The following CSMD1 variants were observed in gnomAD, a reference collection of about 807,000 sequenced individuals.
CSMD1 encodes the protein CUB and sushi domain-containing protein 1.
Under a neutral mutation model 417.5 loss-of-function variants are expected in CSMD1, and 213 were observed. That is an observed-to-expected ratio of 0.51 (90% CI 0.46 to 0.57). The LOEUF (loss-of-function observed/expected upper bound fraction) is 0.57. Among genes scored for constraint, CSMD1 ranks in the 20% least tolerant of loss-of-function variants. The pLI, the probability that CSMD1 is intolerant of heterozygous loss-of-function variation, is 0.00. For synonymous variants in CSMD1, 2,862 were observed against 1,736.8 expected (o/e 1.65, Z -16.11); for missense variants, 6,923 against 4,529.7 (o/e 1.53, Z -15.17).
rs1247959971 is a variant in CSMD1, at chr8:3,308,186, A to G, written c.3823+126T>C. The stretch of plus-strand genomic sequence containing the variant: ...CAGACACGTGCAAATCTCAGAATAC[A>G]TAAAACTCACACTGGAAAGTGTGAT... On this transcript the variant is annotated intron_variant, in intron 24 of 69. Transcript: ENST00000635120. The G allele has an allele frequency of 6.7e-6, 5 of 741,050 alleles. No homozygotes were observed. The African/African-American group carries it at 9.3e-5, about 14-fold the overall frequency. The allele number at this position is 741,050 out of a possible 1,614,324, so 45.9% of individuals were successfully genotyped here.
intron 3 of CSMD1, among the ~76,000 whole-genome samples, chr8:4,172,553 T>A (rs934446121): frequency 6.6e-6 from 1 of 152,008 alleles, no homozygotes; most frequent in Non-Finnish European, 1.5e-5. Flanking sequence ...CAGTGGAAAG[T>A]GAGGCTCCAC....
chr8:3,868,399 C>T (rs1479937263), intron 5 of CSMD1, among the ~76,000 whole-genome samples: 2 of 152,110 alleles, frequency 1.3e-5, no homozygotes, highest in Non-Finnish European at 2.9e-5. Context: ...CCCTGCTGTG[C>T]AGATGGTCCA....
Position 2,965,915 on chromosome 8 carries a change from A to T in CSMD1, c.9140T>A (p.Ile3047Asn). ...CGDPGTLANG[I>N]QFGTDFTFNK... ...GAAGGTGAAGTCGGTCCCAAACTGG[A>T]TGCCATTTGCTAGTGTGCCTGGATC... The change falls in exon 59 of 70, where the codon ATC becomes AAC. Residue 3047 changes from isoleucine to asparagine, a missense_variant. By Grantham distance (149) the Ile-to-Asn change is moderately radical. Coordinates refer to ENST00000635120, the MANE Select transcript of CSMD1 (RefSeq NM_033225.6). 6.2e-7 allele frequency: 1 copy of T among 1,610,014 alleles called. No individual in the cohort carries two copies.
intron 3 of CSMD1, among the ~76,000 whole-genome samples, chr8:4,109,311 CTA>C (rs1801731209): frequency 1.3e-5 from 2 of 151,840 alleles, no homozygotes; most frequent in Admixed American, 1.3e-4. Context: ...TATTTTTTTT[CTA>C]TATTCCTCAA....
At chr8:4,168,831 C>G (rs371726381) in intron 3 of CSMD1, among the ~76,000 whole-genome samples, 35 of 152,252 alleles carry the variant, frequency 2.3e-4, no homozygotes, top group Non-Finnish European at 4.1e-4. Context: ...TTCCGGCTCT[C>G]TGTTGTCTTC....
intron 1 of CSMD1, among the ~76,000 whole-genome samples, chr8:4,816,768 G>A (rs570968960): frequency 3.8e-4 from 58 of 152,282 alleles, no homozygotes; most frequent in African/African-American, 1.3e-3. Context: ...CTAGGACTGA[G>A]GATGGGGATG....
chr8:3,015,930 CA>C (rs1188947281), intron 52 of CSMD1, among the ~76,000 whole-genome samples: 1 of 152,158 alleles, frequency 6.6e-6, no homozygotes, highest in Non-Finnish European at 1.5e-5. Context: ...CTGCCCCTTG[CA>C]TGCGCCTCCA....
At chr8:4,302,469 A>G (rs1798030124) in intron 3 of CSMD1, among the ~76,000 whole-genome samples, 1 of 152,192 alleles carries the variant, frequency 6.6e-6, no homozygotes, top group African/African-American at 2.4e-5. Context: ...CAGACAAAAC[A>G]GCAGTCTGTG....
intron 5 of CSMD1, among the ~76,000 whole-genome samples, chr8:3,765,275 C>T (rs934575949): frequency 2.6e-5 from 4 of 152,174 alleles, no homozygotes; most frequent in African/African-American, 9.7e-5. Flanking sequence ...TCAATCTATG[C>T]TAGCCCCACG....
intron 2 of CSMD1, among the ~76,000 whole-genome samples, chr8:4,470,315 G>A (rs763897249): frequency 6.6e-6 from 1 of 152,120 alleles, no homozygotes; most frequent in South Asian, 2.1e-4. Flanking sequence ...TTTCATGCTA[G>A]TTTCTACAAC....
intron 23 of CSMD1, among the ~76,000 whole-genome samples, chr8:3,337,881 C>T (rs971625791): frequency 1.5e-4 from 23 of 152,194 alleles, no homozygotes; most frequent in African/African-American, 5.3e-4. Flanking sequence ...TACCTCTGTT[C>T]AAACTTCTGC....
At chr8:3,059,539 G>C (rs1452841843) in intron 49 of CSMD1, among the ~76,000 whole-genome samples, 1 of 152,164 alleles carries the variant, frequency 6.6e-6, no homozygotes, top group African/African-American at 2.4e-5. Flanking sequence ...CAGGGCCCAG[G>C]TGACAGGCAT....
rs1554536992 is a variant in CSMD1 at position 3,394,012 on chromosome 8, T to TAAAATA, written c.2593+2181_2593+2182insTATTTT. 2.8e-4 allele frequency among the ~76,000 whole-genome samples: 9 copies of TAAAATA among 31,620 alleles called. No individual in the cohort carries two copies. The East Asian group carries it at 4.8e-3, about 17-fold the overall frequency. 20.7% of individuals were successfully genotyped at this position (31,620 alleles called of 152,430 possible). On this transcript the variant is annotated intron_variant, in intron 17 of 69. Coordinates refer to ENST00000635120, the MANE Select transcript of CSMD1 (RefSeq NM_033225.6). Reference sequence around the variant, plus strand: ...ATAATAATAATAATAAAAAAATAAATTATATATATATATATATATATATAT... The same window carrying TAAAATA: ...ATAATAATAATAATAAAAAAATAAATAAAATATATATATATATATATATATATATAT...
At chr8:3,250,381 C>T (rs541764017) in intron 26 of CSMD1, among the ~76,000 whole-genome samples, 3 of 152,198 alleles carry the variant, frequency 2.0e-5, no homozygotes, top group African/African-American at 7.2e-5. Flanking sequence ...CTACAAAGGA[C>T]ATGAACTCAT....
intron 1 of CSMD1, among the ~76,000 whole-genome samples, chr8:4,964,797 T>A (rs992798077): frequency 6.6e-5 from 10 of 152,164 alleles, no homozygotes; most frequent in African/African-American, 2.2e-4. Flanking sequence ...GTTCTTTTTA[T>A]CGTCGTTGTC....
At chr8:3,964,293 G>C (rs1011717595) in intron 5 of CSMD1, among the ~76,000 whole-genome samples, 2 of 152,140 alleles carry the variant, frequency 1.3e-5, no homozygotes, top group Admixed American at 1.3e-4. Context: ...GCTTTAGGGA[G>C]CGTTCCACAG....
Position 4,312,396 on chromosome 8 carries a change from T to TAC in CSMD1, c.415+107555_415+107556dup, listed in dbSNP as rs1554526382. ...GAACAAATATATATATATATATACATACATATATATGCGTGTATATATATG... is the reference window on the plus strand; with the variant it reads ...GAACAAATATATATATATATATACATACACATATATATGCGTGTATATATATG... On this transcript the variant is annotated intron_variant, in intron 3 of 69. Coordinates refer to ENST00000635120, the MANE Select transcript of CSMD1 (RefSeq NM_033225.6). Among the ~76,000 whole-genome samples, 25 of 99,048 alleles carry TAC rather than the reference T, an allele frequency of 2.5e-4. 4 individuals are homozygous for TAC. The highest frequency in any genetic ancestry group is 1.9e-3 in the African/African-American group (25 of 12,848). The allele number at this position is 99,048 out of a possible 152,430, so 65.0% of individuals were successfully genotyped here. A position where few individuals can be genotyped will look rare whatever the true frequency, so the allele number is the denominator to read the frequency against.
At chr8:3,409,064 G>GTGT (rs1812522018) in intron 13 of CSMD1, among the ~76,000 whole-genome samples, 1 of 152,118 alleles carries the variant, frequency 6.6e-6, no homozygotes, top group Non-Finnish European at 1.5e-5. Context: ...TTGTGTTTAA[G>GTGT]TGTTATACAG....
chr8:4,446,636 C>T (rs140791132), intron 2 of CSMD1, among the ~76,000 whole-genome samples: 28 of 152,266 alleles, frequency 1.8e-4, no homozygotes, highest in Non-Finnish European at 3.5e-4. Context: ...TCACTGCAAA[C>T]TCTGCCTCCT....
Sources: gnomAD v4.1 joint callset for allele counts (sites outside exome capture counted in the v4.1 genomes callset) on GRCh38, gnomAD v4.1.1 for gene constraint, MANE v1.5 for transcripts, NCBI Gene and HGNC (gene_info 2026-07-23, HGNC 2026-07-21) for gene names.